TTC6: variants seen among roughly 807,000 people sequenced by gnomAD.
The protein encoded by TTC6 is tetratricopeptide repeat protein 6.
A neutral mutation model predicts 210.4 loss-of-function variants in TTC6; 172 were observed. The observed-to-expected ratio is 0.82, with a 90% CI of 0.72 to 0.93. The LOEUF (loss-of-function observed/expected upper bound fraction) is 0.93, where lower values mean the gene tolerates loss of function less well. Ranked by LOEUF, TTC6 falls within the 40% of genes least tolerant of loss-of-function variation. The pLI is 0.00. For missense variants in TTC6, 2,414 were observed against 2,318.1 expected (o/e 1.04, Z -0.85); for synonymous variants, 804 against 819.6 (o/e 0.98, Z 0.32).
intron 1 of TTC6, among the ~76,000 whole-genome samples, chr14:37,663,207 G>A (rs1251441834): frequency 1.3e-5 from 2 of 152,038 alleles, no homozygotes; most frequent in Admixed American, 1.3e-4. Context: ...CATGACTGTT[G>A]TTGGTGATTT....
At chr14:37,628,553 G>C (rs550480065) in intron 1 of TTC6, among the ~76,000 whole-genome samples, 110 of 152,090 alleles carry the variant, frequency 7.2e-4, no homozygotes, top group African/African-American at 2.5e-3. Context: ...CCATTCTATA[G>C]GTTGCCTGTT....
At chr14:37,662,760 A>C (rs760892429) in intron 1 of TTC6, among the ~76,000 whole-genome samples, 19 of 152,068 alleles carry the variant, frequency 1.2e-4, no homozygotes, top group Non-Finnish European at 2.4e-4. Flanking sequence ...CTGTTTCATT[A>C]GTCTATGTGC....
chr14:37,681,715 G>A (rs1400858574), intron 2 of TTC6, among the ~76,000 whole-genome samples: 1 of 152,022 alleles, frequency 6.6e-6, no homozygotes, highest in East Asian at 1.9e-4. Flanking sequence ...GGGGGCTTTT[G>A]GGCCTTTGGC....
chr14:37,652,862 G>C (rs1221176950), intron 1 of TTC6, among the ~76,000 whole-genome samples: 1 of 152,122 alleles, frequency 6.6e-6, no homozygotes, highest in African/African-American at 2.4e-5. Context: ...TATAATTTTT[G>C]ATGTCTGCAA....
chr14:37,722,904 A>G (rs2095864617), intron 6 of TTC6, among the ~76,000 whole-genome samples: 2 of 152,138 alleles, frequency 1.3e-5, no homozygotes, highest in Non-Finnish European at 2.9e-5. Context: ...CACCTCTTTG[A>G]GGGTAGAGTG....
chr14:37,725,130 G>T, intron 7 of TTC6, 128 bp downstream of exon 9: 2 of 492,082 alleles, frequency 4.1e-6, no homozygotes, highest in East Asian at 3.2e-5. Flanking sequence ...CCATAATTAG[G>T]ATTAATTGGA....
At chr14:37,798,530 G>A (rs1595282874) in intron 20 of TTC6, among the ~76,000 whole-genome samples, 1 of 151,808 alleles carries the variant, frequency 6.6e-6, no homozygotes, top group East Asian at 1.9e-4. Context: ...TTTATAACTA[G>A]GAAAATATGT....
intron 7 of TTC6, among the ~76,000 whole-genome samples, chr14:37,727,291 ATTTTT>A (rs368293440): frequency 3.3e-5 from 3 of 92,246 alleles, no homozygotes; most frequent in Non-Finnish European, 6.6e-5. Context: ...TATTTTTCTA[ATTTTT>A]TTTTTTTTTT....
chr14:37,816,207 T>A (rs2096141361), intron 25 of TTC6, among the ~76,000 whole-genome samples: 1 of 152,160 alleles, frequency 6.6e-6, no homozygotes, highest in African/African-American at 2.4e-5. Context: ...CATCTACAGA[T>A]TGGTCTGTGA....
At chr14:37,623,940 AAAG>A (rs1319167577) in intron 1 of TTC6, among the ~76,000 whole-genome samples, 1 of 152,246 alleles carries the variant, frequency 6.6e-6, no homozygotes, top group African/African-American at 2.4e-5. Flanking sequence ...AGAAAGAAAG[AAAG>A]AAAAAATATG....
At chr14:37,774,567 T>C (rs1174214811) in intron 14 of TTC6, among the ~76,000 whole-genome samples, 1 of 152,242 alleles carries the variant, frequency 6.6e-6, no homozygotes, top group Admixed American at 6.5e-5. Flanking sequence ...TAAACAACCT[T>C]GCATCTCAGG....
At chr14:37,810,433 A>G (rs1012118656) in intron 24 of TTC6, among the ~76,000 whole-genome samples, 1 of 152,224 alleles carries the variant, frequency 6.6e-6, no homozygotes, top group African/African-American at 2.4e-5. Context: ...ATAATAAAAT[A>G]TTGGTGATTT....
At chr14:37,801,943 G>A (rs1212197830) in intron 20 of TTC6, among the ~76,000 whole-genome samples, 1 of 152,184 alleles carries the variant, frequency 6.6e-6, no homozygotes, top group Non-Finnish European at 1.5e-5. Flanking sequence ...ATACATGCAT[G>A]TGTATGTTCA....
At chr14:37,600,054 A>G (rs1401764642) in intron 1 of TTC6, among the ~76,000 whole-genome samples, 1 of 152,146 alleles carries the variant, frequency 6.6e-6, no homozygotes, top group African/African-American at 2.4e-5. Context: ...GCTCTACTTT[A>G]AAACCCCTAG....
chr14:37,645,644 C>G (rs2095700260), intron 1 of TTC6, among the ~76,000 whole-genome samples: 1 of 152,100 alleles, frequency 6.6e-6, no homozygotes, highest in Admixed American at 6.5e-5. Context: ...CCATCCAATT[C>G]ATGTATGAAG....
intron 5 of TTC6, among the ~76,000 whole-genome samples, chr14:37,703,559 T>C (rs2095829630): frequency 6.6e-6 from 1 of 152,188 alleles, no homozygotes; most frequent in Admixed American, 6.5e-5. Context: ...ACCTTTTCAT[T>C]TGATGGCTTT....
exon 7 of TTC6, chr14:37,724,945 A>C: frequency 6.5e-7 from 1 of 1,529,722 alleles, no homozygotes; most frequent in Non-Finnish European, 8.8e-7. Context: ...ATACAGCTGC[A>C]CCTAAATTCT....
intron 18 of TTC6, 42 bp from the exon 21 acceptor site, chr14:37,796,252 A>G (rs35791659): frequency 0.043 from 37,511 of 882,092 alleles, 973 homozygotes; most frequent in Non-Finnish European, 0.05. Context: ...TTAGAAAGTT[A>G]ATTTTTAGCT....
At chr14:37,713,125 C>A (rs1336520183) in intron 5 of TTC6, among the ~76,000 whole-genome samples, 1 of 152,192 alleles carries the variant, frequency 6.6e-6, no homozygotes. Flanking sequence ...TGGAGCCACA[C>A]TGTGTCTGTT....
Sources: allele counts gnomAD v4.1 joint callset (sites outside exome capture counted in the v4.1 genomes callset), GRCh38; gene constraint gnomAD v4.1.1; transcripts MANE v1.5; gene names NCBI Gene and HGNC (gene_info 2026-07-23, HGNC 2026-07-21).